OR10A7: variants seen among roughly 807,000 people sequenced by gnomAD.
OR10A7 encodes olfactory receptor 10A7.
For missense variants in OR10A7, 434 were observed against 383.6 expected, an observed-to-expected ratio of 1.13 and a Z score of -1.10; for synonymous variants, 151 against 137.2, an observed-to-expected ratio of 1.10 and a Z score of -0.70.
rs556528184 is a variant in OR10A7, at chr12:55,221,744, T to C, written c.720T>C (p.Thr240=). 21 of 1,613,826 alleles carry C rather than the reference T, an allele frequency of 1.3e-5. No homozygotes were observed. In the African/African-American group the frequency reaches 2.3e-4, roughly 17 times the overall value. The change falls in exon 1 of 1, where the codon ACT becomes ACC. Residue 240 remains threonine (T), a synonymous_variant. Coordinates refer to ENST00000326258, the MANE Select transcript of OR10A7 (RefSeq NM_001005280.1). The part of the protein sequence containing the change: ...SATGRQKAFS[T]CSSHLIVVSL... ...CTGGCCGCCAGAAGGCATTTTCTAC[T>C]TGTTCCTCACACCTCATTGTGGTGT...
Position 55,221,284 on chromosome 12 carries a change from C to T in OR10A7, c.260C>T (p.Ser87Phe), listed in dbSNP as rs766576016. Residue 87 changes from serine (S) to phenylalanine (F), a missense_variant, in exon 1 of 1, where the codon TCC (serine) becomes TTC (phenylalanine). Ser to Phe is a radical substitution (Grantham distance 155). Coordinates refer to ENST00000326258, the MANE Select transcript of OR10A7 (RefSeq NM_001005280.1). ...CCAAAAATGCTTGTAGATCTAGTGT[C>T]CCCAAGGAAAATTATCTCTTTTGTG... ...MVPKMLVDLVSPRKIISFVGC... is the reference protein window; with the variant it reads ...MVPKMLVDLVFPRKIISFVGC... 13 of 1,613,770 alleles carry T rather than the reference C, an allele frequency of 8.1e-6. No homozygotes were observed. Among genetic ancestry groups the T allele is most frequent in the Non-Finnish European group, 1.0e-5 (12 of 1,179,866 alleles).
At position 55,221,298 on chromosome 12, in the gene OR10A7, A is replaced by G. The variant is rs1295364917; in HGVS notation, c.274A>G (p.Ile92Val). 2 of 1,613,884 alleles carry G rather than the reference A, an allele frequency of 1.2e-6. No homozygotes were observed. Among genetic ancestry groups the G allele is most frequent in the Non-Finnish European group, 1.7e-6 (2 of 1,179,898 alleles). ...LVDLVSPRKI[I>V]SFVGCGTQMY... ...AGATCTAGTGTCCCCAAGGAAAATT[A>G]TCTCTTTTGTGGGCTGTGGTACCCA... Residue 92 changes from isoleucine to valine, a missense_variant, in exon 1 of 1, where the codon ATC becomes GTC. Ile to Val is a conservative substitution (Grantham distance 29). Transcript: ENST00000326258.
rs768522007 is a variant in OR10A7, at chr12:55,221,137, C to G, written c.113C>G (p.Thr38Ser). ...FIFFLAIYTV[T>S]LLGNFLIVTV... ...TTTTTCCTGGCCATTTATACAGTCA[C>G]TTTGTTGGGCAACTTTCTTATTGTC... The change falls in exon 1 of 1, where the codon ACT becomes AGT. Residue 38 changes from threonine (T) to serine (S), a missense_variant. Physicochemically the swap from Thr to Ser is moderately conservative, Grantham distance 58. Coordinates refer to ENST00000326258, the MANE Select transcript of OR10A7 (RefSeq NM_001005280.1). The G allele has an allele frequency of 7.4e-6, 12 of 1,613,626 alleles. No homozygotes were observed. The highest frequency in any genetic ancestry group is 1.0e-5 in the Non-Finnish European group (12 of 1,179,742).
rs1954121672 is a variant in OR10A7 at position 55,221,925 on chromosome 12, G to A, written c.901G>A (p.Val301Ile). The A allele has an allele frequency of 6.2e-7, 1 of 1,611,642 alleles. No individual in the cohort carries two copies. Among genetic ancestry groups the A allele is most frequent in the Non-Finnish European group, 8.5e-7 (1 of 1,179,704 alleles). Reference sequence around the variant, plus strand: ...GAGGAACAATGAAGTGAAAGGGGCTGTCAAGAGGACAATCACTCAAAAAGT... The same window carrying A: ...GAGGAACAATGAAGTGAAAGGGGCTATCAAGAGGACAATCACTCAAAAAGT... ...GLRNNEVKGA[V>I]KRTITQKVLQ... The change falls in exon 1 of 1, where the codon GTC (valine) becomes ATC (isoleucine). Residue 301 changes from valine (V) to isoleucine (I), a missense_variant. Val to Ile is a conservative substitution (Grantham distance 29). Coordinates refer to ENST00000326258, the MANE Select transcript of OR10A7 (RefSeq NM_001005280.1).
At position 55,221,386 on chromosome 12, in the gene OR10A7, A is replaced by T; in HGVS notation, c.362A>T (p.Asp121Val). The T allele has an allele frequency of 6.2e-7, 1 of 1,613,726 alleles. No individual in the cohort carries two copies. ...TTCCTTCTCTCCATGATGGCTTATG[A>T]TCGCTTTGTGGCCATCTGTAACCCT... is the stretch of plus-strand genomic sequence containing the variant. The part of the protein sequence containing the change: ...ECFLLSMMAY[D>V]RFVAICNPLH... Residue 121 changes from aspartate (D) to valine (V), a missense_variant, in exon 1 of 1, where the codon GAT becomes GTT. Physicochemically the swap from Asp to Val is radical, Grantham distance 152. Transcript: ENST00000326258.
At position 55,221,462 on chromosome 12, in the gene OR10A7, A is replaced by G. The variant is rs1276497586; in HGVS notation, c.438A>G (p.Ile146Met). The change falls in exon 1 of 1, where the codon ATA becomes ATG. Residue 146 changes from isoleucine (I) to methionine (M), a missense_variant. Transcript: ENST00000326258. Reference sequence around the variant, plus strand: ...GGTCCCTATGCTTGTGGATGGCCATAGGCTCTTGGATGTCCGGTGTTCCTG... The same window carrying G: ...GGTCCCTATGCTTGTGGATGGCCATGGGCTCTTGGATGTCCGGTGTTCCTG... ...MNRSLCLWMAIGSWMSGVPVS... is the reference protein window; with the variant it reads ...MNRSLCLWMAMGSWMSGVPVS... 1.2e-6 allele frequency: 2 copies of G among 1,613,576 alleles called. No individual in the cohort carries two copies. Among genetic ancestry groups the G allele is most frequent in the African/African-American group, 2.7e-5 (2 of 74,834 alleles).
chr12:55,221,924 TGTC>T lies in OR10A7; in HGVS notation c.901_903del (p.Val301del), dbSNP rs1565642328. 1 of 1,611,964 alleles carries T rather than the reference TGTC, an allele frequency of 6.2e-7. No homozygotes were observed. The highest frequency in any genetic ancestry group is 1.7e-5 in the Admixed American group (1 of 59,906). ...TGAGGAACAATGAAGTGAAAGGGGC[TGTC>T]AAGAGGACAATCACTCAAAAAGTCT... On this transcript the variant is annotated inframe_deletion, in exon 1 of 1. Transcript: ENST00000326258.
At position 55,221,094 on chromosome 12, in the gene OR10A7, C is replaced by G. The variant is rs751828397; in HGVS notation, c.70C>G (p.Gln24Glu). Residue 24 changes from glutamine to glutamate, a missense_variant, in exon 1 of 1, where the codon CAA becomes GAA. Gln to Glu is a conservative substitution (Grantham distance 29, BLOSUM62 2). Transcript: ENST00000326258. ...TGGTTTTACAAACAACCCCGAGATGCAAGTTTCCCTCTTTATTTTTTTCCT... is the reference window on the plus strand; with the variant it reads ...TGGTTTTACAAACAACCCCGAGATGGAAGTTTCCCTCTTTATTTTTTTCCT... ...LLGFTNNPEM[Q>E]VSLFIFFLAI... The G allele has an allele frequency of 1.2e-6, 2 of 1,613,636 alleles. No individual in the cohort carries two copies. Among genetic ancestry groups the G allele is most frequent in the Admixed American group, 1.7e-5 (1 of 59,942 alleles).
At position 55,221,380 on chromosome 12, in the gene OR10A7, C is replaced by T; in HGVS notation, c.356C>T (p.Ala119Val). Residue 119 changes from alanine to valine, a missense_variant, in exon 1 of 1, where the codon GCT becomes GTT. By Grantham distance (64) the Ala-to-Val change is moderately conservative. Transcript: ENST00000326258. ...GAATGTTTCCTTCTCTCCATGATGG[C>T]TTATGATCGCTTTGTGGCCATCTGT... ...SSECFLLSMM[A>V]YDRFVAICNP... 1 of 1,613,724 alleles carries T rather than the reference C, an allele frequency of 6.2e-7. No homozygotes were observed. The highest frequency in any genetic ancestry group is 1.7e-4 in the Middle Eastern group (1 of 6,056).
chr12:55,221,881 A>G lies in OR10A7; in HGVS notation c.857A>G (p.Asn286Ser). The G allele has an allele frequency of 1.2e-6, 2 of 1,613,584 alleles. No individual in the cohort carries two copies. The highest frequency in any genetic ancestry group is 1.7e-5 in the Admixed American group (1 of 59,904). Reference sequence around the variant, plus strand: ...TACACTGTCATCACACCTATGCTAAACCCCATCATCTACGGCCTGAGGAAC... The same window carrying G: ...TACACTGTCATCACACCTATGCTAAGCCCCATCATCTACGGCCTGAGGAAC... ...LSYTVITPML[N>S]PIIYGLRNNE... The change falls in exon 1 of 1, where the codon AAC (asparagine) becomes AGC (serine). Residue 286 changes from asparagine to serine, a missense_variant. Coordinates refer to ENST00000326258, the MANE Select transcript of OR10A7 (RefSeq NM_001005280.1).
At position 55,221,601 on chromosome 12, in the gene OR10A7, A is replaced by T; in HGVS notation, c.577A>T (p.Thr193Ser). 2.5e-6 allele frequency: 4 copies of T among 1,613,784 alleles called. No homozygotes were observed. The highest frequency in any genetic ancestry group is 3.4e-6 in the Non-Finnish European group (4 of 1,179,838). ...PVLKLVTVDT[T>S]MYEMQALAST... ...GTTAAAACTAGTCACAGTGGATACA[A>T]CCATGTATGAAATGCAAGCACTTGC... Residue 193 changes from threonine to serine, a missense_variant, in exon 1 of 1, where the codon ACC (threonine) becomes TCC (serine). Thr to Ser is a moderately conservative substitution (Grantham distance 58, BLOSUM62 1). Coordinates refer to ENST00000326258, the MANE Select transcript of OR10A7 (RefSeq NM_001005280.1).
At position 55,221,070 on chromosome 12, in the gene OR10A7, G is replaced by C. The variant is rs201513434; in HGVS notation, c.46G>C (p.Gly16Arg). 4 of 1,613,182 alleles carry C rather than the reference G, an allele frequency of 2.5e-6. No homozygotes were observed. Among genetic ancestry groups the C allele is most frequent in the South Asian group, 1.1e-5 (1 of 91,022 alleles). The change falls in exon 1 of 1, where the codon GGT becomes CGT. Residue 16 changes from glycine (G) to arginine (R), a missense_variant. Transcript: ENST00000326258. ...CAGAGTCACTGAATTTATTCTTCTT[G>C]GTTTTACAAACAACCCCGAGATGCA... is the stretch of plus-strand genomic sequence containing the variant. The part of the protein sequence containing the change: ...HTRVTEFILL[G>R]FTNNPEMQVS...
In OR10A7 at chr12:55,221,522, TC is replaced by T. The variant is rs547726690; in HGVS notation, c.500del (p.Pro167LeufsTer19). Reference protein sequence around the residue: ...MLQTAWMMALPFCGPNAVDHF... With the variant: ...MLQTAWMMALXFCGPNAVDHF... The stretch of plus-strand genomic sequence containing the variant: ...TACAGACAGCTTGGATGATGGCCCT[TC>T]CTTTCTGTGGACCAAATGCCGTGGA... On this transcript the variant is annotated frameshift_variant, in exon 1 of 1. Coordinates refer to ENST00000326258, the MANE Select transcript of OR10A7 (RefSeq NM_001005280.1). LOFTEE classifies it low-confidence loss of function (END_TRUNC). 1,623 of 1,613,852 alleles carry T rather than the reference TC, an allele frequency of 1.0e-3. 16 individuals are homozygous for T. In the African/African-American group the frequency reaches 0.019, roughly 19 times the overall value.
Position 55,221,921 on chromosome 12 carries a change from G to T in OR10A7, c.897G>T (p.Gly299=). ...GCCTGAGGAACAATGAAGTGAAAGG[G>T]GCTGTCAAGAGGACAATCACTCAAA... ...IYGLRNNEVK[G]AVKRTITQKV... The change falls in exon 1 of 1, where the codon GGG becomes GGT. Residue 299 remains glycine, a synonymous_variant. Coordinates refer to ENST00000326258, the MANE Select transcript of OR10A7 (RefSeq NM_001005280.1). 1 of 1,612,152 alleles carries T rather than the reference G, an allele frequency of 6.2e-7. No homozygotes were observed. Among genetic ancestry groups the T allele is most frequent in the South Asian group, 1.1e-5 (1 of 91,074 alleles).
Position 55,221,650 on chromosome 12 carries a change from T to C in OR10A7, c.626T>C (p.Phe209Ser), listed in dbSNP as rs1954119049. The change falls in exon 1 of 1, where the codon TTT becomes TCT. Residue 209 changes from phenylalanine to serine, a missense_variant. By Grantham distance (155) the Phe-to-Ser change is radical. Coordinates refer to ENST00000326258, the MANE Select transcript of OR10A7 (RefSeq NM_001005280.1). ...GCCTCCACACTCCTGTTTATCATGT[T>C]TCCCTTTTGTCTCATTTTGGTTTCC... ...ALASTLLFIM[F>S]PFCLILVSYT... is the part of the protein sequence containing the mutation. The C allele has an allele frequency of 6.2e-7, 1 of 1,613,832 alleles. No homozygotes were observed. Among genetic ancestry groups the C allele is most frequent in the Non-Finnish European group, 8.5e-7 (1 of 1,179,864 alleles).
In OR10A7 at chr12:55,221,309, G is replaced by A; in HGVS notation, c.285G>A (p.Val95=). Residue 95 remains valine, a synonymous_variant, in exon 1 of 1, where the codon GTG becomes GTA. Transcript: ENST00000326258. ...LVSPRKIISF[V]GCGTQMYFFF... The stretch of plus-strand genomic sequence containing the variant: ...CCCCAAGGAAAATTATCTCTTTTGT[G>A]GGCTGTGGTACCCAGATGTACTTCT... 1 of 1,613,832 alleles carries A rather than the reference G, an allele frequency of 6.2e-7. No homozygotes were observed. Among genetic ancestry groups the A allele is most frequent in the South Asian group, 1.1e-5 (1 of 91,078 alleles).
chr12:55,221,780 C>A lies in OR10A7; in HGVS notation c.756C>A (p.Tyr252Ter), dbSNP rs144769420. Residue 252 changes from tyrosine (Y) to a stop codon, truncating the protein, a stop_gained, in exon 1 of 1, where the codon TAC becomes TAA. Transcript: ENST00000326258. LOFTEE classifies it low-confidence loss of function (END_TRUNC). ...ACCTCATTGTGGTGTCCCTCTTCTA[C>A]GGAACAGCCAGTCTGACCTACCTGC... ...SSHLIVVSLFYGTASLTYLRP... is the reference protein window; with the variant it reads ...SSHLIVVSLF 4 of 1,613,796 alleles carry A rather than the reference C, an allele frequency of 2.5e-6. No individual in the cohort carries two copies. Among genetic ancestry groups the A allele is most frequent in the Non-Finnish European group, 2.5e-6 (3 of 1,179,870 alleles).
rs746729748 is a variant in OR10A7 at position 55,221,707 on chromosome 12, T to C, written c.683T>C (p.Met228Thr). 2 of 1,613,740 alleles carry C rather than the reference T, an allele frequency of 1.2e-6. No homozygotes were observed. Among genetic ancestry groups the C allele is most frequent in the Admixed American group, 3.3e-5 (2 of 59,874 alleles). The change falls in exon 1 of 1, where the codon ATG becomes ACG. Residue 228 changes from methionine to threonine, a missense_variant. Physicochemically the swap from Met to Thr is moderately conservative, Grantham distance 81. Coordinates refer to ENST00000326258, the MANE Select transcript of OR10A7 (RefSeq NM_001005280.1). ...CGCATTATCATAACAATTCTGAGGA[T>C]GTCCTCTGCCACTGGCCGCCAGAAG... ...YTRIIITILRMSSATGRQKAF... is the reference protein window; with the variant it reads ...YTRIIITILRTSSATGRQKAF...
chr12:55,221,090 G>A lies in OR10A7; in HGVS notation c.66G>A (p.Glu22=), dbSNP rs763412455. ...FILLGFTNNP[E]MQVSLFIFFL... ...TTCTTGGTTTTACAAACAACCCCGA[G>A]ATGCAAGTTTCCCTCTTTATTTTTT... is the stretch of plus-strand genomic sequence containing the variant. The change falls in exon 1 of 1, where the codon GAG becomes GAA. Residue 22 remains glutamate (E), a synonymous_variant. Coordinates refer to ENST00000326258, the MANE Select transcript of OR10A7 (RefSeq NM_001005280.1). The A allele has an allele frequency of 6.2e-7, 1 of 1,613,812 alleles. No individual in the cohort carries two copies. Among genetic ancestry groups the A allele is most frequent in the Non-Finnish European group, 8.5e-7 (1 of 1,179,824 alleles).
Sources: gnomAD v4.1 joint callset for allele counts on GRCh38, gnomAD v4.1.1 for gene constraint, MANE v1.5 for transcripts, NCBI Gene and HGNC (gene_info 2026-07-23, HGNC 2026-07-21) for gene names.